The following LSAMP variants were observed in gnomAD, a reference collection of about 807,000 sequenced individuals.
LSAMP encodes the protein limbic system associated membrane protein, also known as limbic system-associated membrane protein.
LSAMP carries 7 observed loss-of-function variants against 38.6 expected under a neutral mutation model. The observed-to-expected ratio is 0.18, with a 90% CI of 0.10 to 0.34. The LOEUF is 0.34. LSAMP is among the 10% of genes least tolerant of loss of function. The pLI is 1.00. For missense variants in LSAMP, 313 were observed against 420.0 expected (o/e 0.75, Z 2.23); for synonymous variants, 154 against 166.8 (o/e 0.92, Z 0.59).
chr3:116,287,051 T>A (rs569597444), intron 1 of LSAMP, among the ~76,000 whole-genome samples: 2 of 152,252 alleles, frequency 1.3e-5, no homozygotes, highest in African/African-American at 4.8e-5. Flanking sequence ...AATAGCCACT[T>A]ATGGATATAG....
At chr3:115,840,428 T>C (rs1934959908) in intron 6 of LSAMP, among the ~76,000 whole-genome samples, 1 of 152,094 alleles carries the variant, frequency 6.6e-6, no homozygotes. Flanking sequence ...TTAAGAAGTA[T>C]ATTCTCAAGC....
chr3:116,352,530 G>T (rs542243531), intron 1 of LSAMP, among the ~76,000 whole-genome samples: 5 of 152,050 alleles, frequency 3.3e-5, no homozygotes, highest in East Asian at 1.9e-4. Flanking sequence ...GTCTAATGAT[G>T]GGTCGTTAAA....
Position 116,017,078 on chromosome 3 carries a change from AT to A in LSAMP, c.514+2436del, listed in dbSNP as rs1184393899. Among the ~76,000 whole-genome samples the A allele has an allele frequency of 2.6e-5, 4 of 152,260 alleles. No individual in the cohort carries two copies. The East Asian group carries it at 7.7e-4, about 29-fold the overall frequency. ...TTGAAACATCATAGAAAAACAAGCT[AT>A]TAAGGGGTCAAGTCACATGTTCATT... is the stretch of plus-strand genomic sequence containing the variant. On this transcript the variant is annotated intron_variant, in intron 3 of 6. Coordinates refer to ENST00000490035, the MANE Select transcript of LSAMP (RefSeq NM_002338.5).
At chr3:116,018,173 G>C (rs1940539208) in intron 3 of LSAMP, among the ~76,000 whole-genome samples, 1 of 152,106 alleles carries the variant, frequency 6.6e-6, no homozygotes, top group African/African-American at 2.4e-5. Context: ...AATTGCCTGT[G>C]TTAATAAGGA....
chr3:116,121,030 G>A lies in LSAMP; in HGVS notation c.156-34474C>T, dbSNP rs549357082. ...AGGAACTCCAGGTTAAGAACACTCA[G>A]ACTAGGGGCAATGTGATGGCTTAGA... On this transcript the variant is annotated intron_variant, in intron 1 of 6. Coordinates refer to ENST00000490035, the MANE Select transcript of LSAMP (RefSeq NM_002338.5). Among the ~76,000 whole-genome samples, 9 of 152,310 alleles carry A rather than the reference G, an allele frequency of 5.9e-5. No individual in the cohort carries two copies. The South Asian group carries it at 1.9e-3, about 32-fold the overall frequency.
chr3:115,991,747 A>C (rs1028171124), intron 3 of LSAMP, among the ~76,000 whole-genome samples: 8 of 152,076 alleles, frequency 5.3e-5, no homozygotes, highest in Non-Finnish European at 8.8e-5. Flanking sequence ...AGAAACCCCA[A>C]AAAAAGGGAA....
chr3:116,431,044 T>G (rs944691710), intron 1 of LSAMP, among the ~76,000 whole-genome samples: 2 of 152,096 alleles, frequency 1.3e-5, no homozygotes, highest in African/African-American at 4.8e-5. Context: ...CATATTTACC[T>G]TATAATTCCA....
At chr3:116,137,027 C>T (rs78227441) in intron 1 of LSAMP, among the ~76,000 whole-genome samples, 12 of 152,004 alleles carry the variant, frequency 7.9e-5, no homozygotes, top group African/African-American at 2.9e-4. Context: ...AGGGAAGAAT[C>T]CTTCTTTGTC....
intron 1 of LSAMP, among the ~76,000 whole-genome samples, chr3:116,410,960 T>C (rs886577034): frequency 6.6e-6 from 1 of 152,118 alleles, no homozygotes; most frequent in South Asian, 2.1e-4. Flanking sequence ...ATCTTATTGC[T>C]GTGGTTTGAA....
chr3:116,390,773 C>T (rs1205032454), intron 1 of LSAMP, among the ~76,000 whole-genome samples: 1 of 142,638 alleles, frequency 7.0e-6, no homozygotes, highest in African/African-American at 2.6e-5. Context: ...AGGCAAGGAA[C>T]GTGCTTACAG....
intron 2 of LSAMP, among the ~76,000 whole-genome samples, chr3:116,032,385 A>G (rs907404264): frequency 6.6e-6 from 1 of 152,182 alleles, no homozygotes; most frequent in African/African-American, 2.4e-5. Context: ...TGGTTGGACA[A>G]CTGAGGCTCA....
chr3:116,393,938 C>T (rs1386090799), intron 1 of LSAMP, among the ~76,000 whole-genome samples: 2 of 152,326 alleles, frequency 1.3e-5, no homozygotes, highest in East Asian at 3.9e-4. Context: ...GATTTTGCTG[C>T]ATCACTTACA....
At chr3:116,424,252 G>A (rs992323815) in intron 1 of LSAMP, among the ~76,000 whole-genome samples, 7 of 152,202 alleles carry the variant, frequency 4.6e-5, no homozygotes, top group African/African-American at 1.7e-4. Flanking sequence ...TAGAGTGCTA[G>A]ATAAACAGAA....
intron 1 of LSAMP, among the ~76,000 whole-genome samples, chr3:116,352,468 A>G (rs1163176441): frequency 6.6e-6 from 1 of 152,058 alleles, no homozygotes; most frequent in Admixed American, 6.6e-5. Context: ...AGAACTGAGG[A>G]AAGGCAAGCC....
intron 1 of LSAMP, among the ~76,000 whole-genome samples, chr3:116,419,038 G>A (rs1157973393): frequency 6.6e-6 from 1 of 152,160 alleles, no homozygotes; most frequent in Non-Finnish European, 1.5e-5. Context: ...TGTTACTTGA[G>A]CATTAAAGAC....
intron 1 of LSAMP, among the ~76,000 whole-genome samples, chr3:116,418,100 G>T (rs987808950): frequency 2.0e-5 from 3 of 152,096 alleles, no homozygotes; most frequent in Non-Finnish European, 4.4e-5. Context: ...CCTCTCACTG[G>T]TATCTGGATT....
intron 1 of LSAMP, among the ~76,000 whole-genome samples, chr3:116,089,106 G>A (rs1006207406): frequency 2.6e-5 from 4 of 152,220 alleles, no homozygotes; most frequent in South Asian, 2.1e-4. Flanking sequence ...AAAGTCATAC[G>A]GATCATTATT....
intron 1 of LSAMP, among the ~76,000 whole-genome samples, chr3:116,306,707 T>A (rs921264806): frequency 1.6e-4 from 24 of 152,172 alleles, no homozygotes; most frequent in African/African-American, 5.8e-4. Context: ...ACAAAAGTCA[T>A]AATACACAAT....
intron 3 of LSAMP, among the ~76,000 whole-genome samples, chr3:115,899,718 A>G (rs1936826084): frequency 6.6e-6 from 1 of 152,166 alleles, no homozygotes; most frequent in Non-Finnish European, 1.5e-5. Flanking sequence ...ACATAGTCCA[A>G]ACATCAACTT....
Sources: gnomAD v4.1 joint callset for allele counts (sites outside exome capture counted in the v4.1 genomes callset) on GRCh38, gnomAD v4.1.1 for gene constraint, MANE v1.5 for transcripts, NCBI Gene and HGNC (gene_info 2026-07-23, HGNC 2026-07-21) for gene names.